Variants in PLB1 observed in about 807,000 individuals in gnomAD.
PLB1 encodes phospholipase B1, also known as phospholipase B1, membrane-associated.
PLB1 carries 242 observed loss-of-function variants against 227.4 expected under a neutral mutation model. The ratio of observed to expected loss-of-function variants is 1.06; its 90% CI spans 0.96 to 1.18. The LOEUF (loss-of-function observed/expected upper bound fraction) is 1.18. Ranked by LOEUF, PLB1 falls within the 50% of genes most tolerant of loss-of-function variation. The pLI is 0.00. For synonymous variants in PLB1, 757 were observed against 682.2 expected (o/e 1.11, Z -1.71); for missense variants, 1,858 against 1,816.3 (o/e 1.02, Z -0.42).
intron 1 of PLB1, among the ~76,000 whole-genome samples, chr2:28,496,615 G>T (rs1666473382): frequency 6.6e-6 from 1 of 152,216 alleles, no homozygotes; most frequent in South Asian, 2.1e-4. Flanking sequence ...AAGGAAGACA[G>T]ATTTCCAGAT....
chr2:28,507,640 T>C (rs1178765436), intron 1 of PLB1, among the ~76,000 whole-genome samples: 1 of 152,198 alleles, frequency 6.6e-6, no homozygotes, highest in Non-Finnish European at 1.5e-5. Context: ...GAAAATGTGA[T>C]GCAAAAGTAA....
At chr2:28,540,523 T>C (rs1672341219) in intron 12 of PLB1, 82 bp downstream of exon 12, 5 of 1,149,448 alleles carry the variant, frequency 4.3e-6, no homozygotes, top group Non-Finnish European at 6.4e-6. Flanking sequence ...TAGGGACAAT[T>C]AGTTGAGTTT....
Position 28,519,720 on chromosome 2 carries a change from C to T in PLB1, c.200C>T (p.Pro67Leu), listed in dbSNP as rs1401587247. 1 of 1,611,136 alleles carries T rather than the reference C, an allele frequency of 6.2e-7. No individual in the cohort carries two copies. The highest frequency in any genetic ancestry group is 8.5e-7 in the Non-Finnish European group (1 of 1,177,706). Residue 67 changes from proline to leucine, a missense_variant, in exon 4 of 58, where the codon CCT becomes CTT. Pro to Leu is a moderately conservative substitution (Grantham distance 98, BLOSUM62 -3). Transcript: ENST00000327757. ...GTCTCCACAGTTCACTCTCTGAAGC[C>T]TTCTGATATTAAATTTGTGGCAGCC... is the stretch of plus-strand genomic sequence containing the variant. ...MPSKSVHSLK[P>L]SDIKFVAAIG... is the part of the protein sequence containing the mutation.
intron 33 of PLB1, among the ~76,000 whole-genome samples, chr2:28,597,150 G>C (rs1276367253): frequency 6.7e-6 from 1 of 150,112 alleles, no homozygotes; most frequent in Non-Finnish European, 1.5e-5. Flanking sequence ...TGTAGTCCCA[G>C]CTACTCGGGA....
At position 28,629,115 on chromosome 2, in the gene PLB1, G is replaced by A. The variant is rs769876978; in HGVS notation, c.3748G>A (p.Val1250Met). Residue 1250 changes from valine to methionine, a missense_variant, in exon 53 of 58, where the codon GTG becomes ATG. By Grantham distance (21) the Val-to-Met change is conservative. Transcript: ENST00000327757. ...SEELPRAFVN[V>M]VEVMELASLY... ...GCAGCTCCCAAGGGCTTTCGTCAAC[G>A]TGGTGGAGGTCATGGAGCTGGCTAG... 25 of 1,613,768 alleles carry A rather than the reference G, an allele frequency of 1.5e-5. No individual in the cohort carries two copies. Among genetic ancestry groups the A allele is most frequent in the South Asian group, 8.8e-5 (8 of 91,042 alleles).
chr2:28,591,114 C>T lies in PLB1; in HGVS notation c.2089-19C>T, dbSNP rs1558853043. ...GTGAGCAGAATTTGCTGCCATTGCT[C>T]ACCCCCCTCTCCTCACAGGTCCAGC... On this transcript the variant is annotated intron_variant, in intron 29 of 57. Coordinates refer to ENST00000327757, the MANE Select transcript of PLB1 (RefSeq NM_153021.5). 2 of 1,614,026 alleles carry T rather than the reference C, an allele frequency of 1.2e-6. No individual in the cohort carries two copies. Among genetic ancestry groups the T allele is most frequent in the Non-Finnish European group, 1.7e-6 (2 of 1,180,010 alleles).
intron 4 of PLB1, among the ~76,000 whole-genome samples, chr2:28,521,202 T>A (rs375347423): frequency 1.3e-5 from 2 of 152,202 alleles, no homozygotes; most frequent in Non-Finnish European, 2.9e-5. Flanking sequence ...TGCCTCCACC[T>A]CTTGGCTGTT....
chr2:28,618,176 T>C (rs1422393657), intron 45 of PLB1, among the ~76,000 whole-genome samples, 165 bp from the exon 46 acceptor site: 1 of 152,184 alleles, frequency 6.6e-6, no homozygotes, highest in African/African-American at 2.4e-5. Context: ...TGCAGTGCCT[T>C]GGTTGGTCTG....
intron 10 of PLB1, 113 bp downstream of exon 10, chr2:28,538,494 A>T (rs1345238847): frequency 1.0e-6 from 1 of 968,710 alleles, no homozygotes; most frequent in Admixed American, 2.5e-5. Context: ...GACCCTCGGG[A>T]AAGGGGAAAC....
At chr2:28,586,488 A>T (rs1044216721) in intron 26 of PLB1, among the ~76,000 whole-genome samples, 2 of 152,146 alleles carry the variant, frequency 1.3e-5, no homozygotes, top group African/African-American at 2.4e-5. Flanking sequence ...CTCCCCAACA[A>T]GCTTGAAGAG....
At chr2:28,583,192 T>TC (rs886662676) in intron 25 of PLB1, among the ~76,000 whole-genome samples, 1 of 151,430 alleles carries the variant, frequency 6.6e-6, no homozygotes, top group African/African-American at 2.4e-5. Context: ...TCCAAAACTT[T>TC]TTTTTTTTTT....
intron 55 of PLB1, 60 bp downstream of exon 55, chr2:28,632,200 G>T: frequency 4.6e-6 from 6 of 1,304,898 alleles, no homozygotes; most frequent in Non-Finnish European, 6.6e-6. Flanking sequence ...GACGATGGAT[G>T]TATTTCCTTC....
chr2:28,527,702 C>T (rs887774035), intron 6 of PLB1, among the ~76,000 whole-genome samples: 1 of 152,218 alleles, frequency 6.6e-6, no homozygotes, highest in African/African-American at 2.4e-5. Context: ...TGTTCTCACC[C>T]CACTGCTGCC....
chr2:28,504,242 C>G (rs1416680320), intron 1 of PLB1, among the ~76,000 whole-genome samples: 1 of 152,186 alleles, frequency 6.6e-6, no homozygotes, highest in Non-Finnish European at 1.5e-5. Flanking sequence ...ACACTGCATT[C>G]TAAGTAATTT....
chr2:28,582,340 C>T, intron 24 of PLB1, 65 bp from the exon 25 acceptor site: 1 of 1,423,390 alleles, frequency 7.0e-7, no homozygotes, highest in Non-Finnish European at 9.8e-7. Flanking sequence ...GAGGAGCAGG[C>T]CCCAAACCGA....
chr2:28,637,298 T>TAAAA (rs373053880), intron 56 of PLB1, among the ~76,000 whole-genome samples: 6 of 121,310 alleles, frequency 4.9e-5, no homozygotes, highest in South Asian at 2.4e-4. Context: ...TGTCTCAAAT[T>TAAAA]TAAAAAAAAA....
intron 46 of PLB1, among the ~76,000 whole-genome samples, chr2:28,620,026 C>G (rs982029070): frequency 1.3e-5 from 2 of 151,764 alleles, no homozygotes; most frequent in African/African-American, 4.8e-5. Context: ...AAGAAAGGGG[C>G]GGGTGCTAGG....
At chr2:28,528,526 C>T (rs757166219) in intron 6 of PLB1, among the ~76,000 whole-genome samples, 1 of 152,216 alleles carries the variant, frequency 6.6e-6, no homozygotes, top group African/African-American at 2.4e-5. Context: ...GTCCCTGTCC[C>T]AGCATCACTT....
intron 43 of PLB1, among the ~76,000 whole-genome samples, chr2:28,609,447 A>G (rs974443470): frequency 2.6e-5 from 4 of 152,186 alleles, no homozygotes; most frequent in Admixed American, 1.3e-4. Context: ...ATGATCAAGC[A>G]GGAGGGGGCT....
Sources: allele counts gnomAD v4.1 joint callset (sites outside exome capture counted in the v4.1 genomes callset), GRCh38; gene constraint gnomAD v4.1.1; transcripts MANE v1.5; gene names NCBI Gene and HGNC (gene_info 2026-07-23, HGNC 2026-07-21).